PDE1A: variants seen among roughly 807,000 people sequenced by gnomAD.
PDE1A encodes the protein phosphodiesterase 1A, also known as dual specificity calcium/calmodulin-dependent 3',5'-cyclic nucleotide phosphodiesterase 1A.
PDE1A carries 35 observed loss-of-function variants against 61.7 expected under a neutral mutation model. The ratio of observed to expected loss-of-function variants is 0.57; its 90% CI spans 0.43 to 0.75. The LOEUF (loss-of-function observed/expected upper bound fraction) is 0.75, where lower values mean the gene tolerates loss of function less well. Among genes scored for constraint, PDE1A ranks in the 30% least tolerant of loss-of-function variants. The pLI is 0.00. For missense variants in PDE1A, 597 were observed against 630.6 expected (o/e 0.95, Z 0.57); for synonymous variants, 232 against 213.2 (o/e 1.09, Z -0.77).
chr2:182,583,292 A>G, the PDE1A span, among the ~76,000 whole-genome samples: 1 of 152,238 alleles, frequency 6.6e-6, no homozygotes, highest in Admixed American at 6.5e-5. Flanking sequence ...TCAATAATTG[A>G]GGAAATTATC....
chr2:182,153,178 C>A (rs989553672), intron 13 of PDE1A, among the ~76,000 whole-genome samples: 3 of 152,104 alleles, frequency 2.0e-5, no homozygotes, highest in Non-Finnish European at 4.4e-5. Flanking sequence ...AAGCTAATAC[C>A]TTGTCAGATA....
intron 7 of PDE1A, among the ~76,000 whole-genome samples, chr2:182,220,652 A>G (rs1424882773): frequency 2.6e-5 from 4 of 152,026 alleles, no homozygotes; most frequent in African/African-American, 9.7e-5. Flanking sequence ...ATTTCCATTT[A>G]TTTACACTTT....
chr2:182,279,087 C>A (rs1320209223), intron 1 of PDE1A, among the ~76,000 whole-genome samples: 1 of 151,666 alleles, frequency 6.6e-6, no homozygotes, highest in Admixed American at 6.6e-5. Context: ...AAAACAATAA[C>A]CAAGGTATAA....
At chr2:182,248,796 C>A (rs936042750) in intron 2 of PDE1A, among the ~76,000 whole-genome samples, 1 of 152,138 alleles carries the variant, frequency 6.6e-6, no homozygotes, top group African/African-American at 2.4e-5. Context: ...GTGCTAGGTG[C>A]AGTTAGGAGA....
intron 13 of PDE1A, among the ~76,000 whole-genome samples, chr2:182,177,940 G>C (rs900121671): frequency 6.6e-6 from 1 of 152,046 alleles, no homozygotes; most frequent in African/African-American, 2.4e-5. Context: ...AAACATACTT[G>C]ATAAATGTTC....
At chr2:182,386,078 C>T (rs1229511427) in intron 1 of PDE1A, among the ~76,000 whole-genome samples, 7 of 152,186 alleles carry the variant, frequency 4.6e-5, no homozygotes, top group Non-Finnish European at 8.8e-5. Context: ...TGGTCCTAAC[C>T]GCGAGTGATC....
chr2:182,311,044 A>T (rs551457725), intron 1 of PDE1A, among the ~76,000 whole-genome samples: 1 of 152,342 alleles, frequency 6.6e-6, no homozygotes, highest in African/African-American at 2.4e-5. Flanking sequence ...TCTAGGTTTG[A>T]GATCCTGCCT....
the PDE1A span, among the ~76,000 whole-genome samples, chr2:182,678,823 G>T: frequency 6.6e-6 from 1 of 151,926 alleles, no homozygotes; most frequent in Non-Finnish European, 1.5e-5. Flanking sequence ...GAATGGAGAG[G>T]GTTGGTCAAC....
intron 2 of PDE1A, among the ~76,000 whole-genome samples, chr2:182,464,362 G>T (rs753828827): frequency 2.0e-4 from 31 of 152,088 alleles, no homozygotes; most frequent in Non-Finnish European, 4.3e-4. Context: ...CAGCAGCGAT[G>T]AGTGAAAATT....
chr2:182,481,078 A>T (rs1687673208), intron 2 of PDE1A, among the ~76,000 whole-genome samples: 1 of 151,910 alleles, frequency 6.6e-6, no homozygotes, highest in South Asian at 2.1e-4. Flanking sequence ...CACCGGATAT[A>T]AGGGTCATAC....
At chr2:182,232,745 T>C (rs185410450) in intron 4 of PDE1A, among the ~76,000 whole-genome samples, 35 of 152,360 alleles carry the variant, frequency 2.3e-4, no homozygotes, top group Admixed American at 1.7e-3. Context: ...AATAAATCTT[T>C]TATCAAACTC....
chr2:182,548,438 A>C, the PDE1A span, among the ~76,000 whole-genome samples: 2 of 152,208 alleles, frequency 1.3e-5, no homozygotes, highest in African/African-American at 2.4e-5. Flanking sequence ...GGAATTTGGA[A>C]GGCAGATTAG....
intron 2 of PDE1A, among the ~76,000 whole-genome samples, chr2:182,452,000 T>C (rs1240400167): frequency 6.6e-6 from 1 of 152,090 alleles, no homozygotes; most frequent in Non-Finnish European, 1.5e-5. Flanking sequence ...CTGAGTTTGT[T>C]TATTGTTCTG....
intron 2 of PDE1A, among the ~76,000 whole-genome samples, chr2:182,448,593 C>T (rs1424658695): frequency 6.6e-6 from 1 of 152,002 alleles, no homozygotes; most frequent in Non-Finnish European, 1.5e-5. Context: ...AAAACAGCTC[C>T]CTGTTCTTTC....
chr2:182,277,538 C>G (rs1409728191), intron 1 of PDE1A, among the ~76,000 whole-genome samples: 1 of 152,080 alleles, frequency 6.6e-6, no homozygotes, highest in Non-Finnish European at 1.5e-5. Flanking sequence ...TTGGGCTTCT[C>G]TTGTAAGTTC....
intron 1 of PDE1A, among the ~76,000 whole-genome samples, chr2:182,407,324 G>A (rs1366086351): frequency 3.5e-5 from 3 of 86,314 alleles, no homozygotes; most frequent in Non-Finnish European, 7.6e-5. Flanking sequence ...TAATTGTTCA[G>A]GATAATTTGA....
intron 1 of PDE1A, among the ~76,000 whole-genome samples, chr2:182,306,579 T>C (rs1040910449): frequency 1.3e-5 from 2 of 151,938 alleles, no homozygotes. Context: ...TATAAATCTA[T>C]AGTAATTAAA....
At chr2:182,626,736 T>TAC in the PDE1A span, among the ~76,000 whole-genome samples, 2 of 12,842 alleles carry the variant, frequency 1.6e-4, no homozygotes, top group African/African-American at 3.4e-4. Context: ...TATATATATA[T>TAC]ACATATATAT....
At chr2:182,666,365 C>A in the PDE1A span, among the ~76,000 whole-genome samples, 4 of 152,186 alleles carry the variant, frequency 2.6e-5, no homozygotes, top group African/African-American at 9.6e-5. Context: ...CGTCTGTAAT[C>A]CCAGCACTTT....
Sources: gnomAD v4.1 joint callset for allele counts (sites outside exome capture counted in the v4.1 genomes callset) on GRCh38, gnomAD v4.1.1 for gene constraint, MANE v1.5 for transcripts, NCBI Gene and HGNC (gene_info 2026-07-23, HGNC 2026-07-21) for gene names.